The following PZP variants were observed in gnomAD, a reference collection of about 807,000 sequenced individuals.
PZP encodes PZP alpha-2-macroglobulin like.
PZP carries 150 observed loss-of-function variants against 179.8 expected under a neutral mutation model. That is an observed-to-expected ratio of 0.83 (90% confidence interval 0.73 to 0.96). PZP has a LOEUF of 0.96. Ranked by LOEUF, PZP falls within the 40% of genes least tolerant of loss-of-function variation. The pLI, the probability that PZP is intolerant of heterozygous loss-of-function variation, is 0.00. For synonymous variants in PZP, 624 were observed against 652.3 expected (o/e 0.96, Z 0.66); for missense variants, 1,689 against 1,764.0 (o/e 0.96, Z 0.76).
chr12:9,156,270 C>G (rs1940749508), intron 28 of PZP: 1 of 210,650 alleles, frequency 4.7e-6, no homozygotes, highest in Non-Finnish European at 1.0e-5. Context: ...CTTTGGGAAA[C>G]TTCAGTGAAG....
At chr12:9,197,592 A>G (rs1943867822) in intron 7 of PZP, among the ~76,000 whole-genome samples, 1 of 92,784 alleles carries the variant, frequency 1.1e-5, no homozygotes, top group Non-Finnish European at 1.9e-5. Context: ...ATAATATAAT[A>G]TATAAATATA....
intron 15 of PZP, among the ~76,000 whole-genome samples, chr12:9,178,773 C>T (rs1942561778): frequency 6.6e-6 from 1 of 152,176 alleles, no homozygotes. Flanking sequence ...GTGCTATCCA[C>T]AGTTTCAGAC....
chr12:9,201,310 C>T lies in PZP; in HGVS notation c.501+17G>A, dbSNP rs760476094. ...AAAGCACTAATTTCCTTATAAGATA[C>T]TTTTTCTGATACTTACCTCAAGGTA... On this transcript the variant is annotated intron_variant, in intron 5 of 35. Coordinates refer to ENST00000261336, the MANE Select transcript of PZP (RefSeq NM_002864.3). The T allele has an allele frequency of 6.6e-7, 1 of 1,525,860 alleles. No homozygotes were observed. Among genetic ancestry groups the T allele is most frequent in the Non-Finnish European group, 9.1e-7 (1 of 1,103,544 alleles). The allele number at this position is 1,525,860 out of a possible 1,614,324, so 94.5% of individuals were successfully genotyped here.
At chr12:9,158,752 C>CTTTTTTTTTTTTTTTTTTTTTT (rs200458490) in intron 25 of PZP, among the ~76,000 whole-genome samples, 176 bp from the exon 26 acceptor site, 4 of 97,824 alleles carry the variant, frequency 4.1e-5, no homozygotes, top group Admixed American at 1.3e-4. Context: ...TTTTTCTTTT[C>CTTTTTTTTTTTTTTTTTTTTTT]TTTTCTTTTT....
At chr12:9,183,810 T>G (rs1472871976) in intron 13 of PZP, among the ~76,000 whole-genome samples, 1 of 152,230 alleles carries the variant, frequency 6.6e-6, no homozygotes, top group Non-Finnish European at 1.5e-5. Context: ...TGACTTTAGC[T>G]TAACATTACT....
chr12:9,159,880 A>T (rs1453947668), intron 25 of PZP, 58 bp downstream of exon 25: 2 of 1,408,792 alleles, frequency 1.4e-6, no homozygotes, highest in Non-Finnish European at 2.0e-6. Context: ...TAAGACAGGT[A>T]ATCTATGTGC....
intron 13 of PZP, 55 bp downstream of exon 13, chr12:9,192,138 G>A (rs1943490605): frequency 8.4e-6 from 12 of 1,436,900 alleles, no homozygotes; most frequent in Non-Finnish European, 1.2e-5. Context: ...TGTCACCGAG[G>A]GAAGGGTAAG....
chr12:9,171,858 A>G (rs758363564), intron 15 of PZP, among the ~76,000 whole-genome samples: 1 of 152,220 alleles, frequency 6.6e-6, no homozygotes. Flanking sequence ...GACCAAACCT[A>G]TGACTGATTG....
intron 25 of PZP, among the ~76,000 whole-genome samples, chr12:9,159,022 C>T (rs1940978957): frequency 6.6e-6 from 1 of 152,062 alleles, no homozygotes; most frequent in African/African-American, 2.4e-5. Context: ...TCATCCTGCC[C>T]TTCCACTTTT....
rs1362024924 is a variant in PZP, at chr12:9,203,785, G to T, written c.250C>A (p.His84Asn). ...GCACTCACAGTGAAGGAGACACAGT[G>T]GAATAAGTCCTTCTCCGCCACCAGG... ...TDLVAEKDLFHCVSFTLPRIS... is the reference protein window; with the variant it reads ...TDLVAEKDLFNCVSFTLPRIS... Residue 84 changes from histidine to asparagine, a missense_variant, in exon 2 of 36, where the codon CAC becomes AAC. His to Asn is a moderately conservative substitution (Grantham distance 68, BLOSUM62 1). Transcript: ENST00000261336. 1.4e-5 allele frequency: 22 copies of T among 1,613,982 alleles called. No homozygotes were observed.
At chr12:9,194,625 C>A (rs1371587658) in intron 10 of PZP, among the ~76,000 whole-genome samples, 2 of 152,064 alleles carry the variant, frequency 1.3e-5, no homozygotes, top group African/African-American at 2.4e-5. Flanking sequence ...CCACCCCGCC[C>A]AGCTAATTTT....
intron 25 of PZP, 42 bp from the exon 26 acceptor site, chr12:9,158,618 A>C (rs1940936251): frequency 1.9e-6 from 3 of 1,601,446 alleles, no homozygotes; most frequent in African/African-American, 1.3e-5. Flanking sequence ...CTTTTCATTG[A>C]GCACTTTACT....
In PZP at chr12:9,150,676, G is replaced by T. The variant is rs749862484; in HGVS notation, c.4352C>A (p.Ala1451Glu). The T allele has an allele frequency of 1.9e-6, 3 of 1,611,406 alleles. No individual in the cohort carries two copies. The highest frequency in any genetic ancestry group is 2.2e-5 in the South Asian group (2 of 90,824). ...ATAGTAATCATAGACTTTAACAATT[G>T]CTGGCTTCAAGTCTCCTACTGGGAT... ...QDIPVGDLKPAIVKVYDYYET... is the reference protein window; with the variant it reads ...QDIPVGDLKPEIVKVYDYYET... Residue 1451 changes from alanine (A) to glutamate (E), a missense_variant, in exon 34 of 36, where the codon GCA becomes GAA. Ala to Glu is a moderately radical substitution (Grantham distance 107). Coordinates refer to ENST00000261336, the MANE Select transcript of PZP (RefSeq NM_002864.3).
intron 26 of PZP, among the ~76,000 whole-genome samples, chr12:9,158,155 A>G (rs1337959022): frequency 6.6e-6 from 1 of 152,100 alleles, no homozygotes; most frequent in Non-Finnish European, 1.5e-5. Context: ...GGGTCTTGCT[A>G]TGTTGCCCAG....
chr12:9,159,810 T>G, intron 25 of PZP, 128 bp downstream of exon 25: 1 of 822,426 alleles, frequency 1.2e-6, no homozygotes, highest in South Asian at 1.9e-5. Flanking sequence ...AGAAATAAAT[T>G]TCTTTTCTTT....
At chr12:9,183,997 T>C (rs1310698897) in intron 13 of PZP, among the ~76,000 whole-genome samples, 2 of 152,210 alleles carry the variant, frequency 1.3e-5, no homozygotes, top group Non-Finnish European at 2.9e-5. Flanking sequence ...AAGGAAGCCC[T>C]TTTATCACTG....
chr12:9,177,168 G>A (rs1399459030), intron 15 of PZP, among the ~76,000 whole-genome samples: 1 of 152,194 alleles, frequency 6.6e-6, no homozygotes, highest in Non-Finnish European at 1.5e-5. Flanking sequence ...TTGTGGAAAT[G>A]AGGGGACATG....
chr12:9,207,397 G>A (rs1944490227), intron 1 of PZP, among the ~76,000 whole-genome samples: 1 of 152,230 alleles, frequency 6.6e-6, no homozygotes, highest in African/African-American at 2.4e-5. Context: ...CTGGGTTAAG[G>A]CCAGGGACCT....
intron 2 of PZP, 50 bp downstream of exon 2, chr12:9,203,718 T>C (rs1171542875): frequency 1.3e-6 from 2 of 1,597,968 alleles, no homozygotes; most frequent in Admixed American, 1.7e-5. Context: ...CCTATAGAGC[T>C]CAATAAAATG....
Sources: gnomAD v4.1 joint callset for allele counts (sites outside exome capture counted in the v4.1 genomes callset) on GRCh38, gnomAD v4.1.1 for gene constraint, MANE v1.5 for transcripts, NCBI Gene and HGNC (gene_info 2026-07-23, HGNC 2026-07-21) for gene names.